The following KCNH7 variants were observed in gnomAD, a reference collection of about 807,000 sequenced individuals.
The protein encoded by KCNH7 is potassium voltage-gated channel subfamily H member 7.
In KCNH7, 49 loss-of-function variants were observed where a neutral mutation model predicts 120.8. That is an observed-to-expected ratio of 0.41 (90% CI 0.32 to 0.51). The LOEUF is 0.51. KCNH7 is among the 20% of genes least tolerant of loss of function. KCNH7 has a pLI of 0.38. For synonymous variants in KCNH7, 547 were observed against 516.1 expected, an observed-to-expected ratio of 1.06 and a Z score of -0.81; for missense variants, 1,097 against 1,446.6, an observed-to-expected ratio of 0.76 and a Z score of 3.92.
At chr2:162,798,168 C>A (rs949135780) in intron 2 of KCNH7, among the ~76,000 whole-genome samples, 1 of 151,966 alleles carries the variant, frequency 6.6e-6, no homozygotes, top group African/African-American at 2.4e-5. Flanking sequence ...TCACTTATAC[C>A]ACTTTCCTGT....
At position 162,516,305 on chromosome 2, in the gene KCNH7, C is replaced by T. The variant is rs766290822; in HGVS notation, c.892+1425G>A. ...ATATGTAAATATTGGTTTGCACACTCGAGTGTGAAATGATTTAATTCTTCT... is the reference window on the plus strand; with the variant it reads ...ATATGTAAATATTGGTTTGCACACTTGAGTGTGAAATGATTTAATTCTTCT... On this transcript the variant is annotated intron_variant, in intron 4 of 15. Transcript: ENST00000332142. Among the ~76,000 whole-genome samples the T allele has an allele frequency of 2.0e-5, 3 of 151,742 alleles. No individual in the cohort carries two copies. In the East Asian group the frequency reaches 5.9e-4, roughly 30 times the overall value.
At position 162,836,740 on chromosome 2, in the gene KCNH7, C is replaced by T. The variant is rs867684583; in HGVS notation, c.104G>A (p.Arg35Lys). Residue 35 changes from arginine (R) to lysine (K), a missense_variant, in exon 2 of 16, where the codon AGA becomes AAA. By Grantham distance (26) the Arg-to-Lys change is conservative. Coordinates refer to ENST00000332142, the MANE Select transcript of KCNH7 (RefSeq NM_033272.4). ...QNKKFIIANA[R>K]VQNCAIIYCN... is the part of the protein sequence containing the mutation. ...ATAAATGATGGCACAGTTCTGCACT[C>T]TGGCATTTGCAATGATAAATTTTTT... 1 of 1,613,882 alleles carries T rather than the reference C, an allele frequency of 6.2e-7. No individual in the cohort carries two copies.
At chr2:162,392,814 C>T (rs1434623561) in intron 12 of KCNH7, among the ~76,000 whole-genome samples, 1 of 151,620 alleles carries the variant, frequency 6.6e-6, no homozygotes, top group Non-Finnish European at 1.5e-5. Flanking sequence ...TAAGACCCAC[C>T]CTAATAAGGA....
At chr2:162,596,804 A>C (rs1425511348) in intron 2 of KCNH7, among the ~76,000 whole-genome samples, 1 of 152,078 alleles carries the variant, frequency 6.6e-6, no homozygotes, top group Non-Finnish European at 1.5e-5. Context: ...CAAACTGTCC[A>C]TCTGGTAAGG....
intron 2 of KCNH7, among the ~76,000 whole-genome samples, chr2:162,601,012 G>C (rs1011119423): frequency 3.9e-5 from 6 of 152,002 alleles, no homozygotes; most frequent in African/African-American, 1.2e-4. Flanking sequence ...TATTTTTAAA[G>C]TTCTTTTTTG....
intron 2 of KCNH7, among the ~76,000 whole-genome samples, chr2:162,805,931 G>A (rs976290119): frequency 1.3e-5 from 2 of 151,666 alleles, no homozygotes; most frequent in South Asian, 2.1e-4. Context: ...TGTCTTTTAC[G>A]GCAACTTGGA....
intron 2 of KCNH7, among the ~76,000 whole-genome samples, chr2:162,657,931 T>G (rs897544492): frequency 6.6e-6 from 1 of 152,074 alleles, no homozygotes. Context: ...GTGGCATTCC[T>G]ACAAATATAT....
chr2:162,451,835 G>A (rs1688780969), intron 6 of KCNH7, among the ~76,000 whole-genome samples: 1 of 152,026 alleles, frequency 6.6e-6, no homozygotes, highest in African/African-American at 2.4e-5. Context: ...TCAAGGTCTA[G>A]AACTTCTATA....
At chr2:162,799,942 A>G (rs887988411) in intron 2 of KCNH7, among the ~76,000 whole-genome samples, 208 of 75,110 alleles carry the variant, frequency 2.8e-3, no homozygotes, top group African/African-American at 6.8e-3. Context: ...ACTTTGTTTT[A>G]CACACATACA....
chr2:162,641,530 C>A (rs1340896262), intron 2 of KCNH7, among the ~76,000 whole-genome samples: 4 of 150,970 alleles, frequency 2.6e-5, no homozygotes, highest in African/African-American at 9.8e-5. Flanking sequence ...GCCTCCTCAA[C>A]ATAGTGAGAC....
intron 2 of KCNH7, among the ~76,000 whole-genome samples, chr2:162,829,476 C>A (rs905819676): frequency 6.6e-6 from 1 of 152,022 alleles, no homozygotes; most frequent in Admixed American, 6.6e-5. Context: ...ATTGTGCCAA[C>A]CACAGCAATG....
intron 13 of KCNH7, 143 bp downstream of exon 13, chr2:162,384,545 T>G: frequency 1.2e-6 from 1 of 827,964 alleles, no homozygotes. Flanking sequence ...ATGGATGATC[T>G]GAAATCTGAA....
At chr2:162,728,752 T>C (rs1687617204) in intron 2 of KCNH7, among the ~76,000 whole-genome samples, 4 of 152,172 alleles carry the variant, frequency 2.6e-5, no homozygotes, top group Non-Finnish European at 5.9e-5. Flanking sequence ...TACTCCAGCC[T>C]GGGCAACAAG....
intron 2 of KCNH7, among the ~76,000 whole-genome samples, chr2:162,594,748 T>G (rs1002382186): frequency 6.6e-6 from 1 of 152,044 alleles, no homozygotes; most frequent in Non-Finnish European, 1.5e-5. Context: ...ACATTGAAAT[T>G]AATCTAGAGA....
chr2:162,507,054 T>C (rs1156527580), intron 5 of KCNH7, among the ~76,000 whole-genome samples: 7 of 151,824 alleles, frequency 4.6e-5, no homozygotes, highest in Admixed American at 1.3e-4. Context: ...TTAATATAAA[T>C]TGAAATTTCC....
chr2:162,828,784 A>T (rs959549772), intron 2 of KCNH7, among the ~76,000 whole-genome samples: 16 of 152,092 alleles, frequency 1.1e-4, no homozygotes, highest in African/African-American at 3.6e-4. Flanking sequence ...AAATGAGCCA[A>T]CTAAAGGCAG....
At position 162,517,844 on chromosome 2, in the gene KCNH7, G is replaced by A. The variant is rs754151611; in HGVS notation, c.778C>T (p.His260Tyr). 6.2e-7 allele frequency: 1 copy of A among 1,612,374 alleles called. No individual in the cohort carries two copies. The highest frequency in any genetic ancestry group is 1.3e-5 in the African/African-American group (1 of 74,878). ...CATAAGCTTTCCCTTGATCTGGAAT[G>A]GGACAGCTGGGAACTTGACTGCAGC... ...DMLQSSSQLS[H>Y]SRSRESLCSI... is the part of the protein sequence containing the mutation. Residue 260 changes from histidine (H) to tyrosine (Y), a missense_variant, in exon 4 of 16, where the codon CAT becomes TAT. By Grantham distance (83) the His-to-Tyr change is moderately conservative. This residue lies in a region of KCNH7 where 362 missense variants were observed against 372.2 expected (regional missense o/e 0.97). Coordinates refer to ENST00000332142, the MANE Select transcript of KCNH7 (RefSeq NM_033272.4).
intron 6 of KCNH7, among the ~76,000 whole-genome samples, chr2:162,465,654 G>T (rs1689281787): frequency 1.3e-5 from 2 of 152,084 alleles, no homozygotes; most frequent in Admixed American, 6.5e-5. Flanking sequence ...GCTGAGTAAT[G>T]GTGCGCATTG....
At chr2:162,551,537 A>AT (rs1692667761) in intron 2 of KCNH7, among the ~76,000 whole-genome samples, 1 of 152,154 alleles carries the variant, frequency 6.6e-6, no homozygotes, top group African/African-American at 2.4e-5. Context: ...TTACTTGAAG[A>AT]TTAAAAAAAA....
Sources: gnomAD v4.1 joint callset for allele counts (sites outside exome capture counted in the v4.1 genomes callset) on GRCh38, gnomAD v4.1.1 for gene constraint, gnomAD v4.1.1 regional missense constraint, MANE v1.5 for transcripts, NCBI Gene and HGNC (gene_info 2026-07-23, HGNC 2026-07-21) for gene names.